Variants in NOL4L observed in about 807,000 individuals in gnomAD.
NOL4L encodes nucleolar protein 4 like.
In NOL4L, 7 loss-of-function variants were observed where a neutral mutation model predicts 64.5. The observed-to-expected ratio is 0.11, with a 90% confidence interval of 0.06 to 0.20. The LOEUF is 0.20. Ranked by LOEUF, NOL4L falls within the 10% of genes least tolerant of loss-of-function variation. The probability of loss-of-function intolerance (pLI) is 1.00; values close to 1 mark genes in which losing one functional copy is unlikely to be tolerated. For missense variants in NOL4L, 680 were observed against 967.1 expected (o/e 0.70, Z 3.94); for synonymous variants, 413 against 401.0 (o/e 1.03, Z -0.36).
intron 4 of NOL4L, among the ~76,000 whole-genome samples, chr20:32,480,828 G>C (rs1211817848): frequency 1.3e-5 from 2 of 152,176 alleles, no homozygotes; most frequent in African/African-American, 4.8e-5. Flanking sequence ...AGCTCCTGGG[G>C]GGTGTGGGGT....
chr20:32,476,373 T>C (rs938362347), intron 4 of NOL4L, among the ~76,000 whole-genome samples: 1 of 152,174 alleles, frequency 6.6e-6, no homozygotes, highest in Non-Finnish European at 1.5e-5. Context: ...TGAGCAAGGC[T>C]GCAAGGTGCA....
intron 1 of NOL4L, among the ~76,000 whole-genome samples, chr20:32,578,505 C>T (rs1326837858): frequency 6.6e-6 from 1 of 152,202 alleles, no homozygotes; most frequent in African/African-American, 2.4e-5. Context: ...CCTGCCTCAG[C>T]CTTCTGAGTA....
chr20:32,544,765 C>G (rs1367792038), intron 1 of NOL4L, among the ~76,000 whole-genome samples: 1 of 152,152 alleles, frequency 6.6e-6, no homozygotes, highest in Non-Finnish European at 1.5e-5. Flanking sequence ...AGATCCCACC[C>G]CAGGGTGAAC....
At chr20:32,486,914 A>C in intron 4 of NOL4L, 1 of 380,162 alleles carries the variant, frequency 2.6e-6, no homozygotes, top group Non-Finnish European at 5.4e-6. Flanking sequence ...CCACAACACA[A>C]CAGTCTTGGA....
At position 32,452,369 on chromosome 20, in the gene NOL4L, T is replaced by G. The variant is rs780849512; in HGVS notation, c.1689A>C (p.Ser563=). ...DSAAITHSTY[S]LPASSYSQDP... ...CCTGGGAGTAGGAGGAGGCTGGCAGTGAGTAGGTGGAGTGGGTGATGGCTG... is the reference window on the plus strand; with the variant it reads ...CCTGGGAGTAGGAGGAGGCTGGCAGGGAGTAGGTGGAGTGGGTGATGGCTG... The change falls in exon 10 of 11, where the codon TCA becomes TCC. Residue 563 remains serine (S), a synonymous_variant. Transcript: ENST00000621426. 6.2e-7 allele frequency: 1 copy of G among 1,611,774 alleles called. No homozygotes were observed. Among genetic ancestry groups the G allele is most frequent in the Non-Finnish European group, 8.5e-7 (1 of 1,178,598 alleles).
At position 32,488,304 on chromosome 20, in the gene NOL4L, G is replaced by A. The variant is rs373951930; in HGVS notation, c.700-13562C>T. On this transcript the variant is annotated intron_variant, in intron 4 of 10. Coordinates refer to ENST00000621426, the MANE Select transcript of NOL4L (RefSeq NM_001256798.2). ...AAGATGGCCCATGATGACCCTCACC[G>A]CCCAGTTTCATACCCTGGTACCATC... is the stretch of plus-strand genomic sequence containing the variant. 1.3e-4 allele frequency among the ~76,000 whole-genome samples: 20 copies of A among 152,164 alleles called. No homozygotes were observed. The South Asian group carries it at 1.5e-3, about 11-fold the overall frequency.
At chr20:32,525,895 T>C (rs2018114959) in intron 2 of NOL4L, among the ~76,000 whole-genome samples, 1 of 152,156 alleles carries the variant, frequency 6.6e-6, no homozygotes, top group African/African-American at 2.4e-5. Context: ...GTAGCTGGGA[T>C]TATAGGCATG....
At chr20:32,531,334 G>A (rs62208010) in intron 1 of NOL4L, among the ~76,000 whole-genome samples, 1,676 of 152,116 alleles carry the variant, frequency 0.011, 17 homozygotes, top group Non-Finnish European at 0.014. Context: ...ACCAGCTTGT[G>A]GGGGCCTTAG....
chr20:32,571,996 C>G (rs1979771518), intron 1 of NOL4L, among the ~76,000 whole-genome samples: 2 of 152,206 alleles, frequency 1.3e-5, no homozygotes, highest in South Asian at 4.1e-4. Flanking sequence ...GCCTAATATC[C>G]CAAGGTTGGC....
intron 5 of NOL4L, among the ~76,000 whole-genome samples, chr20:32,462,903 T>TAAAAAGAAAAAAAAAAAA (rs2014204961): frequency 1.3e-5 from 1 of 76,668 alleles, no homozygotes; most frequent in Non-Finnish European, 2.4e-5. Flanking sequence ...GACTCTGTCT[T>TAAAAAGAAAAAAAAAAAA]AAAAAAAAAA....
chr20:32,525,062 G>C (rs2018080971), intron 2 of NOL4L, among the ~76,000 whole-genome samples: 1 of 152,242 alleles, frequency 6.6e-6, no homozygotes, highest in East Asian at 1.9e-4. Context: ...GCCAGCTCCA[G>C]GCTGGGCAGC....
intron 1 of NOL4L, chr20:32,536,182 TC>T: frequency 1.0e-6 from 1 of 985,584 alleles, no homozygotes; most frequent in African/African-American, 1.7e-5. Context: ...TGTCTGCTAC[TC>T]TGGCGACCCG....
chr20:32,456,382 AGAG>A lies in NOL4L; in HGVS notation c.852_854del (p.Ser285del). On this transcript the variant is annotated inframe_deletion, in exon 6 of 11. Transcript: ENST00000621426. ...AGGAGCCATTGCCGCTGCCACTCTC[AGAG>A]GAGGAGTCATCTGGAATGAGAGGCC... 1 of 1,466,558 alleles carries A rather than the reference AGAG, an allele frequency of 6.8e-7. No individual in the cohort carries two copies. Among genetic ancestry groups the A allele is most frequent in the Non-Finnish European group, 9.0e-7 (1 of 1,105,660 alleles). The allele number at this position is 1,466,558 out of a possible 1,614,324, so 90.8% of individuals were successfully genotyped here. A position where few individuals can be genotyped will look rare whatever the true frequency, so the allele number is the denominator to read the frequency against.
chr20:32,458,213 ACT>A (rs2013735001), intron 5 of NOL4L, among the ~76,000 whole-genome samples: 1 of 151,944 alleles, frequency 6.6e-6, no homozygotes, highest in Non-Finnish European at 1.5e-5. Flanking sequence ...AGCCACTGGC[ACT>A]CTCAGTCCTG....
intron 1 of NOL4L, among the ~76,000 whole-genome samples, chr20:32,570,924 G>C (rs1205555308): frequency 6.6e-6 from 1 of 152,178 alleles, no homozygotes; most frequent in Non-Finnish European, 1.5e-5. Flanking sequence ...CTCCAGGGAA[G>C]CAGGTCCCAT....
At chr20:32,472,122 A>G (rs1169499949) in intron 5 of NOL4L, among the ~76,000 whole-genome samples, 1 of 152,230 alleles carries the variant, frequency 6.6e-6, no homozygotes, top group Non-Finnish European at 1.5e-5. Flanking sequence ...CCCAGAAACA[A>G]ACAACCCAAC....
At chr20:32,509,535 A>AG (rs1282060353) in intron 4 of NOL4L, among the ~76,000 whole-genome samples, 3 of 150,458 alleles carry the variant, frequency 2.0e-5, no homozygotes, top group Admixed American at 2.0e-4. Flanking sequence ...AAAAAAAAAA[A>AG]AAAAAGAAAA....
At chr20:32,488,815 T>TCTC (rs1568648493) in intron 4 of NOL4L, among the ~76,000 whole-genome samples, 3 of 18,286 alleles carry the variant, frequency 1.6e-4, no homozygotes, top group African/African-American at 1.0e-3. Flanking sequence ...TTTTCTTTCT[T>TCTC]TCTTTCTTTC....
Position 32,584,556 on chromosome 20 carries a change from G to A in NOL4L, c.321+14C>T, listed in dbSNP as rs1270001472. 1 of 1,059,222 alleles carries A rather than the reference G, an allele frequency of 9.4e-7. No homozygotes were observed. The highest frequency in any genetic ancestry group is 3.0e-5 in the South Asian group (1 of 33,556). The allele number at this position is 1,059,222 out of a possible 1,614,324, so 65.6% of individuals were successfully genotyped here. Reference sequence around the variant, plus strand: ...GCGGCGGGACCCGCCCGCGGCCGCCGCGCGCGCACTCACCGAGCCCGTCTT... The same window carrying A: ...GCGGCGGGACCCGCCCGCGGCCGCCACGCGCGCACTCACCGAGCCCGTCTT... On this transcript the variant is annotated intron_variant, in intron 1 of 10. Coordinates refer to ENST00000621426, the MANE Select transcript of NOL4L (RefSeq NM_001256798.2).
Sources: gnomAD v4.1 joint callset for allele counts (sites outside exome capture counted in the v4.1 genomes callset) on GRCh38, gnomAD v4.1.1 for gene constraint, MANE v1.5 for transcripts, NCBI Gene and HGNC (gene_info 2026-07-23, HGNC 2026-07-21) for gene names.